ADK: variants seen among roughly 807,000 people sequenced by gnomAD.
The protein encoded by ADK is adenosine kinase, also known as N6,N6-dimethyladenosine kinase.
In ADK, 24 loss-of-function variants were observed where a neutral mutation model predicts 44.7. That is an observed-to-expected ratio of 0.54 (90% CI 0.39 to 0.76). The LOEUF is 0.76. Among genes scored for constraint, ADK ranks in the 30% least tolerant of loss-of-function variants. The pLI is 0.00. For synonymous variants in ADK, 128 were observed against 142.6 expected (o/e 0.90, Z 0.73); for missense variants, 321 against 425.1 (o/e 0.76, Z 2.15).
chr10:74,684,341 T>C (rs1288266054), intron 10 of ADK, among the ~76,000 whole-genome samples: 1 of 152,214 alleles, frequency 6.6e-6, no homozygotes, highest in Admixed American at 6.5e-5. Context: ...TTTCTCACTC[T>C]AAATTAGGCT....
At chr10:74,568,654 A>G (rs1279155996) in intron 7 of ADK, among the ~76,000 whole-genome samples, 1 of 148,214 alleles carries the variant, frequency 6.7e-6, no homozygotes. Context: ...TTTTTTTTTT[A>G]CATGTTCTAT....
intron 5 of ADK, among the ~76,000 whole-genome samples, chr10:74,397,697 C>T (rs922217978): frequency 6.6e-6 from 1 of 152,006 alleles, no homozygotes; most frequent in African/African-American, 2.4e-5. Flanking sequence ...ACCACTACCC[C>T]CAGCTAATTT....
chr10:74,582,322 A>T (rs1564804264), intron 7 of ADK, among the ~76,000 whole-genome samples: 1 of 151,844 alleles, frequency 6.6e-6, no homozygotes, highest in Non-Finnish European at 1.5e-5. Flanking sequence ...AAAAAAAAAT[A>T]AAAAATAAAA....
rs900657611 is a variant in ADK at position 74,483,773 on chromosome 10, A to G, written c.556-41483A>G. Among the ~76,000 whole-genome samples, 3 of 152,308 alleles carry G rather than the reference A, an allele frequency of 2.0e-5. No homozygotes were observed. In the East Asian group the frequency reaches 5.8e-4, roughly 29 times the overall value. On this transcript the variant is annotated intron_variant, in intron 6 of 10. Transcript: ENST00000539909. Reference sequence around the variant, plus strand: ...CACATTTCCCTAAAGAAGGAGCACAATGCTGCTAGTCTCTTTGCTAAAGCA... The same window carrying G: ...CACATTTCCCTAAAGAAGGAGCACAGTGCTGCTAGTCTCTTTGCTAAAGCA...
intron 2 of ADK, among the ~76,000 whole-genome samples, chr10:74,203,508 A>G (rs1283495819): frequency 6.6e-6 from 1 of 151,930 alleles, no homozygotes; most frequent in Non-Finnish European, 1.5e-5. Flanking sequence ...ATATGCAGGT[A>G]CCACCATCCC....
At chr10:74,623,923 T>C (rs1005858409) in intron 9 of ADK, among the ~76,000 whole-genome samples, 1 of 152,116 alleles carries the variant, frequency 6.6e-6, no homozygotes, top group African/African-American at 2.4e-5. Context: ...AGAAATTCAA[T>C]TAGACTCTAA....
At chr10:74,388,146 A>T (rs779190631) in intron 4 of ADK, among the ~76,000 whole-genome samples, 1 of 152,150 alleles carries the variant, frequency 6.6e-6, no homozygotes, top group Admixed American at 6.5e-5. Context: ...ACCTCAGGTG[A>T]TCTGCCTGCC....
intron 4 of ADK, among the ~76,000 whole-genome samples, chr10:74,352,332 C>T (rs1841988108): frequency 6.6e-6 from 1 of 152,172 alleles, no homozygotes. Flanking sequence ...GGAAAGGATT[C>T]CCTGTTTAAT....
intron 4 of ADK, among the ~76,000 whole-genome samples, chr10:74,361,522 CTTCTCCCCCTTCATTT>C (rs1178797706): frequency 6.6e-6 from 1 of 152,024 alleles, no homozygotes; most frequent in Non-Finnish European, 1.5e-5. Context: ...CATTAACTTC[CTTCTCCCCCTTCATTT>C]TGAATTTCTG....
chr10:74,444,499 A>G (rs1845528387), intron 6 of ADK, among the ~76,000 whole-genome samples: 1 of 152,138 alleles, frequency 6.6e-6, no homozygotes. Flanking sequence ...TACAAGTTAA[A>G]TGTTCCTACT....
At chr10:74,595,771 T>C (rs78111221) in intron 8 of ADK, among the ~76,000 whole-genome samples, 118,281 of 118,418 alleles carry the variant, frequency 1, 59,072 homozygotes, top group Admixed American at 1. Context: ...CCAAGGTGGG[T>C]GGATCACCTG....
intron 6 of ADK, among the ~76,000 whole-genome samples, chr10:74,480,412 G>A (rs1847025333): frequency 6.6e-6 from 1 of 151,420 alleles, no homozygotes; most frequent in Admixed American, 6.6e-5. Context: ...GTTTTTTGTT[G>A]TTTATTTGTT....
rs145733286 is a variant in ADK at position 74,401,245 on chromosome 10, A to C, written c.555+2666A>C. Among the ~76,000 whole-genome samples the C allele has an allele frequency of 3.9e-5, 6 of 152,240 alleles. No individual in the cohort carries two copies. The East Asian group carries it at 1.2e-3, about 29-fold the overall frequency. On this transcript the variant is annotated intron_variant, in intron 6 of 10. Transcript: ENST00000539909. Reference sequence around the variant, plus strand: ...ATATCTGTTTTTTCTCACTTAAGAAATAATATTTCCTGGCATAGTGGTTTA... The same window carrying C: ...ATATCTGTTTTTTCTCACTTAAGAACTAATATTTCCTGGCATAGTGGTTTA...
intron 4 of ADK, among the ~76,000 whole-genome samples, chr10:74,319,645 CTATG>C (rs1840744289): frequency 6.6e-6 from 1 of 152,138 alleles, no homozygotes; most frequent in African/African-American, 2.4e-5. Context: ...CCGATAACAA[CTATG>C]TGTTTTTAAA....
At chr10:74,278,123 G>T (rs1440072293) in intron 3 of ADK, among the ~76,000 whole-genome samples, 1 of 152,094 alleles carries the variant, frequency 6.6e-6, no homozygotes, top group East Asian at 1.9e-4. Flanking sequence ...GGAGGCTGAG[G>T]TGGGTGGTCT....
intron 7 of ADK, among the ~76,000 whole-genome samples, chr10:74,574,259 C>T (rs1161640582): frequency 6.6e-6 from 1 of 151,840 alleles, no homozygotes; most frequent in Non-Finnish European, 1.5e-5. Flanking sequence ...CTCCATCCAC[C>T]TCCGACATTG....
At chr10:74,659,351 C>G (rs1056407913) in intron 9 of ADK, among the ~76,000 whole-genome samples, 7 of 152,212 alleles carry the variant, frequency 4.6e-5, no homozygotes, top group African/African-American at 1.7e-4. Flanking sequence ...AGTCAACACT[C>G]ATTCTCTTAT....
intron 3 of ADK, among the ~76,000 whole-genome samples, chr10:74,245,551 A>G (rs771110991): frequency 2.0e-5 from 3 of 151,142 alleles, no homozygotes; most frequent in African/African-American, 4.9e-5. Flanking sequence ...TGATATTAGT[A>G]TTAGTGACAA....
At chr10:74,553,872 A>G (rs1239823526) in intron 7 of ADK, among the ~76,000 whole-genome samples, 2 of 152,216 alleles carry the variant, frequency 1.3e-5, no homozygotes, top group African/African-American at 4.8e-5. Context: ...CAACATCTCT[A>G]CTAATAAATC....
Sources: gnomAD v4.1 joint callset for allele counts (sites outside exome capture counted in the v4.1 genomes callset) on GRCh38, gnomAD v4.1.1 for gene constraint, MANE v1.5 for transcripts, NCBI Gene and HGNC (gene_info 2026-07-23, HGNC 2026-07-21) for gene names.